The following ERLIN1 variants were observed in gnomAD, a reference collection of about 807,000 sequenced individuals.
ERLIN1 encodes ER lipid raft associated 1, also known as erlin-1.
In ERLIN1, 24 loss-of-function variants were observed where a neutral mutation model predicts 46.9. That is an observed-to-expected ratio of 0.51 (90% CI 0.37 to 0.72). The LOEUF (loss-of-function observed/expected upper bound fraction) is 0.72, where lower values mean the gene tolerates loss of function less well. Ranked by LOEUF, ERLIN1 falls within the 30% of genes least tolerant of loss-of-function variation. The pLI is 0.00. For synonymous variants in ERLIN1, 158 were observed against 143.2 expected (o/e 1.10, Z -0.74); for missense variants, 293 against 417.9 (o/e 0.70, Z 2.61).
Position 100,185,511 on chromosome 10 carries a change from C to T in ERLIN1, c.113+3G>A. The stretch of plus-strand genomic sequence containing the variant: ...GCCCTAACTGACTGCACATGCCGCT[C>T]ACCTGTAGTACACAGCCAGATGGCC... On this transcript the variant is annotated splice_donor_region_variant and intron_variant, in intron 1 of 10. Coordinates refer to ENST00000421367, the MANE Select transcript of ERLIN1 (RefSeq NM_006459.4). 6.2e-7 allele frequency: 1 copy of T among 1,606,900 alleles called. No individual in the cohort carries two copies. Among genetic ancestry groups the T allele is most frequent in the Non-Finnish European group, 8.5e-7 (1 of 1,173,386 alleles).
rs1220736810 is a variant in ERLIN1, at chr10:100,172,439, CGT to C, written c.504+1767_504+1768del. 1.1e-3 allele frequency among the ~76,000 whole-genome samples: 171 copies of C among 152,204 alleles called. 2 individuals carry two copies. Among genetic ancestry groups the C allele is most frequent in the Non-Finnish European group, 1.0e-4 (7 of 68,014 alleles). On this transcript the variant is annotated intron_variant, in intron 6 of 10. Transcript: ENST00000421367. The stretch of plus-strand genomic sequence containing the variant: ...TAACTTTTTTCTACAACATAAATAA[CGT>C]GTGTGTATAAAAATTCCAAATTTAT...
Position 100,167,494 on chromosome 10 carries a change from C to A in ERLIN1, c.505-88G>T, listed in dbSNP as rs898800773. The A allele has an allele frequency of 2.9e-6, 3 of 1,030,354 alleles. No homozygotes were observed. The East Asian group carries it at 7.4e-5, about 25-fold the overall frequency. The allele number at this position is 1,030,354 out of a possible 1,614,324, so 63.8% of individuals were successfully genotyped here. ...CTACAGAAAAGCCCCTCAAATGATA[C>A]TAATCTAATAAACAACAGCTATAAT... On this transcript the variant is annotated intron_variant, in intron 6 of 10. Transcript: ENST00000421367.
chr10:100,157,349 G>C (rs1440066784), intron 8 of ERLIN1, among the ~76,000 whole-genome samples: 2 of 152,210 alleles, frequency 1.3e-5, no homozygotes, highest in African/African-American at 2.4e-5. Context: ...GGTGTGGCAA[G>C]CAAGTACATG....
chr10:100,170,813 GA>G (rs1242366855), intron 6 of ERLIN1, among the ~76,000 whole-genome samples: 1 of 152,162 alleles, frequency 6.6e-6, no homozygotes, highest in African/African-American at 2.4e-5. Flanking sequence ...GATTTGATGA[GA>G]AAAGACCAAG....
intron 5 of ERLIN1, among the ~76,000 whole-genome samples, chr10:100,175,328 T>C (rs1458603115): frequency 6.6e-6 from 1 of 152,204 alleles, no homozygotes; most frequent in African/African-American, 2.4e-5. Flanking sequence ...CCTGCATTCC[T>C]TCCAGGAGTC....
At chr10:100,181,964 G>T (rs551805578) in intron 2 of ERLIN1, among the ~76,000 whole-genome samples, 8 of 152,192 alleles carry the variant, frequency 5.3e-5, no homozygotes, top group African/African-American at 1.7e-4. Context: ...AGTTTACACT[G>T]AAGTCTCTGT....
intron 9 of ERLIN1, among the ~76,000 whole-genome samples, chr10:100,155,616 G>A (rs956226260): frequency 2.0e-5 from 3 of 151,856 alleles, no homozygotes; most frequent in South Asian, 4.2e-4. Context: ...CCAGGTTCAC[G>A]CCATTCTCCT....
intron 1 of ERLIN1, 28 bp downstream of exon 1, chr10:100,185,486 G>A: frequency 2.0e-6 from 3 of 1,527,448 alleles, no homozygotes; most frequent in Non-Finnish European, 2.7e-6. Flanking sequence ...CTGCTCTAGA[G>A]CCCTAACTGA....
chr10:100,164,300 A>T (rs574261651), intron 7 of ERLIN1, among the ~76,000 whole-genome samples: 1 of 152,352 alleles, frequency 6.6e-6, no homozygotes, highest in African/African-American at 2.4e-5. Flanking sequence ...AAAGTCACCC[A>T]GAGATAGGAA....
intron 7 of ERLIN1, among the ~76,000 whole-genome samples, chr10:100,164,452 T>C (rs563036958): frequency 6.6e-6 from 1 of 152,326 alleles, no homozygotes; most frequent in South Asian, 2.1e-4. Context: ...CTGTGCCAAT[T>C]AGAAAACGGC....
rs781611174 is a variant in ERLIN1 at position 100,175,946 on chromosome 10, A to G, written c.429T>C (p.Phe143=). 6.8e-6 allele frequency: 11 copies of G among 1,612,912 alleles called. No homozygotes were observed. The East Asian group carries it at 1.6e-4, about 23-fold the overall frequency. Residue 143 remains phenylalanine (F), a splice_region_variant and synonymous_variant, in exon 5 of 11, where the codon TTT becomes TTC. Coordinates refer to ENST00000421367, the MANE Select transcript of ERLIN1 (RefSeq NM_006459.4). The stretch of plus-strand genomic sequence containing the variant: ...ATACATAAGAATTAAGACACTTACC[A>G]AACAATTCAATGTAAACTTCCTGAA... ...HTLQEVYIEL[F]DQIDENLKQA...
chr10:100,164,782 C>T (rs1843541370), intron 7 of ERLIN1, among the ~76,000 whole-genome samples: 1 of 151,960 alleles, frequency 6.6e-6, no homozygotes. Context: ...TTAAGGTAAA[C>T]TTTGTTTCAT....
rs539191907 is a variant in ERLIN1, at chr10:100,158,343, G to A, written c.656-2109C>T. On this transcript the variant is annotated intron_variant, in intron 8 of 10. Transcript: ENST00000421367. ...AGAAGAAAGGCTGATTACTCAAAAG[G>A]AACAACTGGACTAACAACATACTTG... Among the ~76,000 whole-genome samples, 161 of 152,202 alleles carry A rather than the reference G, an allele frequency of 1.1e-3. 3 individuals are homozygous for A. The South Asian group carries it at 0.031, about 29-fold the overall frequency.
chr10:100,163,868 G>A, intron 8 of ERLIN1, 136 bp downstream of exon 8: 1 of 622,106 alleles, frequency 1.6e-6, no homozygotes, highest in East Asian at 2.8e-5. Flanking sequence ...ACATCTGAAT[G>A]TACAGTGGAG....
At chr10:100,164,826 C>T (rs1255225833) in intron 7 of ERLIN1, among the ~76,000 whole-genome samples, 1 of 151,804 alleles carries the variant, frequency 6.6e-6, no homozygotes, top group African/African-American at 2.4e-5. Flanking sequence ...TATAAAGTTA[C>T]CTTCAGGCTA....
Position 100,156,215 on chromosome 10 carries a change from T to C in ERLIN1, c.675A>G (p.Gln225=). ...TCTGCTGAAACCGAATTTTTGCCAC[T>C]TGTGCAATCTTCTCTGCTTCTATAA... is the stretch of plus-strand genomic sequence containing the variant. ...KAVIEAEKIA[Q]VAKIRFQQKV... is the part of the protein sequence containing the mutation. Residue 225 remains glutamine (Q), a synonymous_variant, in exon 9 of 11, where the codon CAA becomes CAG. Transcript: ENST00000421367. The C allele has an allele frequency of 6.2e-7, 1 of 1,611,608 alleles. No individual in the cohort carries two copies. The highest frequency in any genetic ancestry group is 8.5e-7 in the Non-Finnish European group (1 of 1,177,908).
chr10:100,178,299 T>C, intron 3 of ERLIN1, 105 bp from the exon 4 acceptor site: 1 of 697,846 alleles, frequency 1.4e-6, no homozygotes, highest in Non-Finnish European at 2.4e-6. Context: ...AATATTCACT[T>C]AAAACACAGA....
At chr10:100,171,227 T>C (rs1341581563) in intron 6 of ERLIN1, among the ~76,000 whole-genome samples, 2 of 152,024 alleles carry the variant, frequency 1.3e-5, no homozygotes, top group African/African-American at 4.8e-5. Flanking sequence ...ACATGAACAC[T>C]TCAAAGTTAT....
At chr10:100,172,246 G>A (rs1052207223) in intron 6 of ERLIN1, among the ~76,000 whole-genome samples, 14 of 152,148 alleles carry the variant, frequency 9.2e-5, no homozygotes, top group Admixed American at 9.2e-4. Context: ...AGTGAAAAAA[G>A]CAAGTATGGT....
Sources: gnomAD v4.1 joint callset for allele counts (sites outside exome capture counted in the v4.1 genomes callset) on GRCh38, gnomAD v4.1.1 for gene constraint, MANE v1.5 for transcripts, NCBI Gene and HGNC (gene_info 2026-07-23, HGNC 2026-07-21) for gene names.